SPATS1: variants seen among roughly 807,000 people sequenced by gnomAD.
SPATS1 encodes spermatogenesis associated serine rich 1, also known as spermatogenesis-associated serine-rich protein 1.
Under a neutral mutation model 33.6 loss-of-function variants are expected in SPATS1, and 23 were observed. The observed-to-expected ratio is 0.68, with a 90% CI of 0.49 to 0.97. The LOEUF is 0.97. SPATS1 is among the 50% of genes least tolerant of loss of function. The pLI, the probability that SPATS1 is intolerant of heterozygous loss-of-function variation, is 0.00. For synonymous variants in SPATS1, 131 were observed against 125.6 expected, an observed-to-expected ratio of 1.04 and a Z score of -0.29; for missense variants, 327 against 361.0, an observed-to-expected ratio of 0.91 and a Z score of 0.76.
At chr6:44,375,366 G>C (rs1205296507) in intron 7 of SPATS1, among the ~76,000 whole-genome samples, 1 of 152,154 alleles carries the variant, frequency 6.6e-6, no homozygotes, top group African/African-American at 2.4e-5. Context: ...TGGAGCTCCG[G>C]GAGAAGGGCT....
intron 2 of SPATS1, chr6:44,343,470 A>C (rs1172100241): frequency 4.9e-6 from 3 of 617,822 alleles, no homozygotes; most frequent in Admixed American, 4.2e-5. Flanking sequence ...ATCTCACAGC[A>C]GTGGAGAAGT....
chr6:44,372,178 C>G (rs1232594222), intron 7 of SPATS1, among the ~76,000 whole-genome samples: 4 of 144,788 alleles, frequency 2.8e-5, no homozygotes, highest in Non-Finnish European at 6.0e-5. Context: ...CACTTGAACC[C>G]GGGAGGCAAA....
intron 3 of SPATS1, among the ~76,000 whole-genome samples, chr6:44,355,293 T>A (rs1224809058): frequency 2.0e-5 from 3 of 151,868 alleles, no homozygotes; most frequent in Non-Finnish European, 4.4e-5. Context: ...CCCTCAATAA[T>A]ATGCATTTAA....
At chr6:44,348,792 G>GTTAAGAGACCAGC (rs1788058642) in intron 2 of SPATS1, among the ~76,000 whole-genome samples, 1 of 152,098 alleles carries the variant, frequency 6.6e-6, no homozygotes, top group South Asian at 2.1e-4. Context: ...GACCAGCCTG[G>GTTAAGAGACCAGC]CTAAGAGACC....
chr6:44,358,404 A>G (rs752197205), intron 3 of SPATS1, among the ~76,000 whole-genome samples: 26 of 152,364 alleles, frequency 1.7e-4, no homozygotes, highest in Non-Finnish European at 3.7e-4. Context: ...TAGGAAGTTC[A>G]GCGCTAAACA....
intron 5 of SPATS1, among the ~76,000 whole-genome samples, chr6:44,363,629 T>A (rs943433306): frequency 8.9e-6 from 1 of 112,004 alleles, no homozygotes; most frequent in Admixed American, 8.8e-5. Context: ...TTTCCTCTTC[T>A]TTTTCTTTCT....
chr6:44,360,719 C>A, intron 4 of SPATS1, 149 bp downstream of exon 4: 2 of 985,724 alleles, frequency 2.0e-6, no homozygotes, highest in Non-Finnish European at 2.9e-6. Context: ...GCCAGGAAGC[C>A]ATTATATGTT....
intron 3 of SPATS1, among the ~76,000 whole-genome samples, chr6:44,354,026 A>G (rs1788405073): frequency 7.3e-6 from 1 of 136,460 alleles, no homozygotes; most frequent in African/African-American, 2.7e-5. Context: ...CGACAGAGCG[A>G]GACTTCGCCT....
chr6:44,362,612 C>A (rs1452173884), intron 5 of SPATS1, among the ~76,000 whole-genome samples: 2 of 152,088 alleles, frequency 1.3e-5, no homozygotes, highest in East Asian at 3.8e-4. Flanking sequence ...TAGGAGGCAA[C>A]CATTGCTCCA....
chr6:44,360,507 T>C lies in SPATS1; in HGVS notation c.349T>C (p.Ser117Pro), dbSNP rs1250119356. 6.2e-7 allele frequency: 1 copy of C among 1,614,194 alleles called. No individual in the cohort carries two copies. The highest frequency in any genetic ancestry group is 1.3e-5 in the African/African-American group (1 of 75,052). The change falls in exon 4 of 9, where the codon TCG becomes CCG. Residue 117 changes from serine to proline, a missense_variant. Ser to Pro is a moderately conservative substitution (Grantham distance 74). Coordinates refer to ENST00000674044, the MANE Select transcript of SPATS1 (RefSeq NM_001372081.1). Reference sequence around the variant, plus strand: ...ACATTCTGATCACTCCTCTGAAATGTCGTTGCCTGAAGTCCAAAAGGATAA... The same window carrying C: ...ACATTCTGATCACTCCTCTGAAATGCCGTTGCCTGAAGTCCAAAAGGATAA... ...FSHSDHSSEM[S>P]LPEVQKDKYP...
In SPATS1 at chr6:44,380,074, T is replaced by A. The variant is rs890354835; in HGVS notation, c.*3011T>A. 6.6e-6 allele frequency among the ~76,000 whole-genome samples: 1 copy of A among 152,222 alleles called. No homozygotes were observed. Among genetic ancestry groups the A allele is most frequent in the Non-Finnish European group, 1.5e-5 (1 of 68,038 alleles). ...AAAAATATGTGCATATCATAGCTGT[T>A]CCAGCTTTTGCTTCTTTCCAGCTAG... On this transcript the variant is annotated 3_prime_UTR_variant, in exon 9 of 9. Coordinates refer to ENST00000674044, the MANE Select transcript of SPATS1 (RefSeq NM_001372081.1).
At chr6:44,362,621 C>T (rs1322556915) in intron 5 of SPATS1, among the ~76,000 whole-genome samples, 1 of 152,112 alleles carries the variant, frequency 6.6e-6, no homozygotes, top group Admixed American at 6.6e-5. Context: ...ACCATTGCTC[C>T]AGAAATAAAT....
intron 3 of SPATS1, among the ~76,000 whole-genome samples, chr6:44,354,016 C>G (rs1178957599): frequency 8.1e-6 from 1 of 123,846 alleles, no homozygotes; most frequent in African/African-American, 3.0e-5. Context: ...CCAGCCTGGG[C>G]GACAGAGCGA....
intron 3 of SPATS1, among the ~76,000 whole-genome samples, chr6:44,358,389 A>G (rs1334428040): frequency 6.6e-6 from 1 of 152,098 alleles, no homozygotes; most frequent in Non-Finnish European, 1.5e-5. Flanking sequence ...GCCTTTATAA[A>G]CTGCTAGGAA....
intron 5 of SPATS1, among the ~76,000 whole-genome samples, chr6:44,366,155 G>C (rs978146787): frequency 7.0e-6 from 1 of 142,208 alleles, no homozygotes; most frequent in African/African-American, 2.6e-5. Context: ...ACAGAGTTTC[G>C]CTCTTGTTGC....
chr6:44,350,446 G>A (rs1373573733), intron 2 of SPATS1, among the ~76,000 whole-genome samples: 1 of 152,214 alleles, frequency 6.6e-6, no homozygotes, highest in Non-Finnish European at 1.5e-5. Context: ...AATTCAATAG[G>A]TCTGCGATGG....
intron 3 of SPATS1, among the ~76,000 whole-genome samples, chr6:44,354,359 AAATAAATAAATAAATG>A (rs56063450): frequency 0.61 from 89,834 of 146,956 alleles, 27,971 homozygotes; most frequent in Middle Eastern, 0.72. Flanking sequence ...ATAAATAAAT[AAATAAATAAATAAATG>A]TCACTATAAT....
intron 2 of SPATS1, among the ~76,000 whole-genome samples, chr6:44,347,084 T>C (rs1036313353): frequency 2.6e-5 from 4 of 152,172 alleles, no homozygotes; most frequent in Non-Finnish European, 1.5e-5. Context: ...GGGACATAGA[T>C]GAAGCTGGAA....
intron 7 of SPATS1, among the ~76,000 whole-genome samples, chr6:44,373,218 G>C (rs1488895217): frequency 6.6e-6 from 1 of 152,162 alleles, no homozygotes; most frequent in Non-Finnish European, 1.5e-5. Flanking sequence ...CAAACTCATA[G>C]AGAATGCCAT....
Sources: allele counts gnomAD v4.1 joint callset (sites outside exome capture counted in the v4.1 genomes callset), GRCh38; gene constraint gnomAD v4.1.1; transcripts MANE v1.5; gene names NCBI Gene and HGNC (gene_info 2026-07-23, HGNC 2026-07-21).